Variants in CLYBL observed in about 807,000 individuals in gnomAD.
CLYBL encodes the protein citramalyl-CoA lyase, also known as citramalyl-CoA lyase, mitochondrial.
A neutral mutation model predicts 38.9 loss-of-function variants in CLYBL; 31 were observed. The ratio of observed to expected loss-of-function variants is 0.80; its 90% CI spans 0.60 to 1.08. The LOEUF is 1.08. Ranked by LOEUF, CLYBL falls within the 50% of genes least tolerant of loss-of-function variation. The pLI, the probability that CLYBL is intolerant of heterozygous loss-of-function variation, is 0.00. For synonymous variants in CLYBL, 171 were observed against 158.6 expected, an observed-to-expected ratio of 1.08 and a Z score of -0.59; for missense variants, 434 against 411.6, an observed-to-expected ratio of 1.05 and a Z score of -0.47.
At position 99,871,057 on chromosome 13, in the gene CLYBL, G is replaced by A; in HGVS notation, c.922G>A (p.Gly308Arg). The A allele has an allele frequency of 6.2e-7, 1 of 1,613,858 alleles. No homozygotes were observed. The highest frequency in any genetic ancestry group is 8.5e-7 in the Non-Finnish European group (1 of 1,179,872). The change falls in exon 7 of 9, where the codon GGA (glycine) becomes AGA (arginine). Residue 308 changes from glycine to arginine, a missense_variant. Gly to Arg is a moderately radical substitution (Grantham distance 125, BLOSUM62 -2). Coordinates refer to ENST00000339105, the MANE Select transcript of CLYBL (RefSeq NM_206808.5). The part of the protein sequence containing the change: ...IAAFKEHQQL[G>R]KGAFTFQGSM... ...TGCCTTTAAAGAACATCAACAATTA[G>A]GAAAGGTAAATGTTTTGTTAATGCC...
At chr13:99,791,140 T>C (rs1212244703) in intron 2 of CLYBL, among the ~76,000 whole-genome samples, 1 of 152,038 alleles carries the variant, frequency 6.6e-6, no homozygotes, top group Non-Finnish European at 1.5e-5. Flanking sequence ...GTGGAAAGGG[T>C]AGAGGGCTTG....
At position 99,864,798 on chromosome 13, in the gene CLYBL, T is replaced by C. The variant is rs1222482504; in HGVS notation, c.541-20T>C. 1 of 1,577,084 alleles carries C rather than the reference T, an allele frequency of 6.3e-7. No homozygotes were observed. Among genetic ancestry groups the C allele is most frequent in the Non-Finnish European group, 8.7e-7 (1 of 1,146,576 alleles). On this transcript the variant is annotated intron_variant, in intron 4 of 8. Transcript: ENST00000339105. ...CGCACGCGTTTCCGTGAGACTTAGT[T>C]CTGTTCTGCTCTTTTACAGGCAGTG... is the stretch of plus-strand genomic sequence containing the variant.
chr13:99,663,532 T>G (rs2047438503), intron 1 of CLYBL, among the ~76,000 whole-genome samples: 1 of 152,172 alleles, frequency 6.6e-6, no homozygotes, highest in African/African-American at 2.4e-5. Flanking sequence ...GCCCGCTGAA[T>G]GAGCACTCCA....
intron 2 of CLYBL, among the ~76,000 whole-genome samples, chr13:99,790,026 C>CT (rs1013674542): frequency 6.6e-6 from 1 of 151,884 alleles, no homozygotes; most frequent in Non-Finnish European, 1.5e-5. Flanking sequence ...CAACCCCTGC[C>CT]TTTTTTTGTT....
intron 1 of CLYBL, among the ~76,000 whole-genome samples, chr13:99,679,480 A>G (rs61974389): frequency 0.022 from 3,392 of 152,148 alleles, 65 homozygotes; most frequent in Middle Eastern, 0.086. Context: ...TTCAGCGTCC[A>G]TCTTCCTCAC....
At chr13:99,749,179 C>CAAA (rs986504755) in intron 1 of CLYBL, among the ~76,000 whole-genome samples, 3 of 116,492 alleles carry the variant, frequency 2.6e-5, no homozygotes, top group Non-Finnish European at 5.4e-5. Flanking sequence ...GACTCTGTCT[C>CAAA]AAAAAAAAAA....
rs1326597594 is a variant in CLYBL at position 99,748,442 on chromosome 13, T to TG, written c.63-24382_63-24381insG. The stretch of plus-strand genomic sequence containing the variant: ...CTCTAGTTTTGTGTTTTTTTTTTTT[T>TG]TTTTTTTTTTTTTTTGAGATGGAGT... On this transcript the variant is annotated intron_variant, in intron 1 of 8. Coordinates refer to ENST00000339105, the MANE Select transcript of CLYBL (RefSeq NM_206808.5). 7.8e-5 allele frequency among the ~76,000 whole-genome samples: 10 copies of TG among 128,828 alleles called. No individual in the cohort carries two copies. In the South Asian group the frequency reaches 1.6e-3, roughly 21 times the overall value. The allele number at this position is 128,828 out of a possible 152,430, so 84.5% of individuals were successfully genotyped here.
At chr13:99,899,122 C>T (rs2052614479), downstream of CLYBL, among the ~76,000 whole-genome samples, 1 of 152,178 alleles carries the variant, frequency 6.6e-6, no homozygotes, top group Non-Finnish European at 1.5e-5. Flanking sequence ...ACACCTAACT[C>T]CAAGAGTTCC....
intron 7 of CLYBL, among the ~76,000 whole-genome samples, chr13:99,889,100 A>C (rs1178921645): frequency 6.6e-6 from 1 of 152,206 alleles, no homozygotes; most frequent in African/African-American, 2.4e-5. Context: ...CAGTCTTGAA[A>C]AACTACATGA....
intron 3 of CLYBL, among the ~76,000 whole-genome samples, chr13:99,860,280 AAAATT>A (rs1484731098): frequency 6.6e-6 from 1 of 152,212 alleles, no homozygotes; most frequent in Non-Finnish European, 1.5e-5. Context: ...AGATACTATT[AAAATT>A]AAATTCACCT....
intron 1 of CLYBL, among the ~76,000 whole-genome samples, chr13:99,740,343 T>C (rs2048732516): frequency 6.6e-6 from 1 of 152,166 alleles, no homozygotes; most frequent in Non-Finnish European, 1.5e-5. Flanking sequence ...TCATGACAAA[T>C]GCTGTCCTGT....
chr13:99,614,605 T>C (rs1020778880), intron 1 of CLYBL, among the ~76,000 whole-genome samples: 2 of 152,150 alleles, frequency 1.3e-5, no homozygotes, highest in African/African-American at 4.8e-5. Context: ...AACTCAGCTG[T>C]GCCGTGCCTG....
chr13:99,821,540 C>T (rs1379845616), intron 2 of CLYBL, among the ~76,000 whole-genome samples: 3 of 152,094 alleles, frequency 2.0e-5, no homozygotes, highest in African/African-American at 7.2e-5. Flanking sequence ...AATTTTGATG[C>T]GTGTTGCAAG....
chr13:99,606,940 C>T (rs2046534975), intron 1 of CLYBL, among the ~76,000 whole-genome samples, 183 bp downstream of exon 1: 1 of 152,198 alleles, frequency 6.6e-6, no homozygotes, highest in African/African-American at 2.4e-5. Context: ...CCCGCGCCTC[C>T]CTTTGGGAGG....
chr13:99,807,927 G>A (rs979359642), intron 2 of CLYBL, among the ~76,000 whole-genome samples: 2 of 152,126 alleles, frequency 1.3e-5, no homozygotes, highest in African/African-American at 4.8e-5. Flanking sequence ...TGTGAGAGAA[G>A]GTTCCTCCTC....
At chr13:99,631,667 C>T (rs1371939596) in intron 1 of CLYBL, among the ~76,000 whole-genome samples, 2 of 151,698 alleles carry the variant, frequency 1.3e-5, no homozygotes, top group South Asian at 2.1e-4. Flanking sequence ...GGCGTGATCT[C>T]GGCTCACTGC....
intron 1 of CLYBL, among the ~76,000 whole-genome samples, chr13:99,658,995 A>AT (rs949679926): frequency 2.4e-4 from 36 of 152,108 alleles, no homozygotes; most frequent in African/African-American, 8.0e-4. Context: ...ATTAAAAGAG[A>AT]TTTTTCCCCC....
At chr13:99,858,836 A>G (rs895681470) in intron 2 of CLYBL, 25 bp from the exon 3 acceptor site, 2 of 1,553,002 alleles carry the variant, frequency 1.3e-6, no homozygotes, top group South Asian at 1.2e-5. Context: ...AAAATAAACA[A>G]TAAACTTTTT....
chr13:99,713,362 CAG>C (rs2048264087), intron 1 of CLYBL, among the ~76,000 whole-genome samples: 1 of 115,562 alleles, frequency 8.7e-6, no homozygotes. Context: ...TTTTTTAAGA[CAG>C]AGTCTTGGTC....
Sources: allele counts gnomAD v4.1 joint callset (sites outside exome capture counted in the v4.1 genomes callset), GRCh38; gene constraint gnomAD v4.1.1; transcripts MANE v1.5; gene names NCBI Gene and HGNC (gene_info 2026-07-23, HGNC 2026-07-21).